Variants in EML6 observed in about 807,000 individuals in gnomAD.
The protein encoded by EML6 is EMAP like 6.
In EML6, 154 loss-of-function variants were observed where a neutral mutation model predicts 240.1. That is an observed-to-expected ratio of 0.64 (90% confidence interval 0.56 to 0.73). The LOEUF (loss-of-function observed/expected upper bound fraction) is 0.73. Among genes scored for constraint, EML6 ranks in the 30% least tolerant of loss-of-function variants. EML6 has a pLI of 0.00. For missense variants in EML6, 2,964 were observed against 2,474.6 expected (o/e 1.20, Z -4.20); for synonymous variants, 1,148 against 899.0 (o/e 1.28, Z -4.95).
At chr2:54,797,251 C>A (rs1669867012) in intron 2 of EML6, among the ~76,000 whole-genome samples, 2 of 151,102 alleles carry the variant, frequency 1.3e-5, no homozygotes, top group Admixed American at 1.3e-4. Context: ...TAAGCCCCAC[C>A]TGTTGAGGAT....
At chr2:54,797,589 AT>A (rs1669891153) in intron 2 of EML6, among the ~76,000 whole-genome samples, 1 of 151,468 alleles carries the variant, frequency 6.6e-6, no homozygotes, top group Non-Finnish European at 1.5e-5. Flanking sequence ...GTGCAATAGC[AT>A]TATGCCTAAC....
At chr2:54,781,683 A>C (rs774650636) in intron 2 of EML6, among the ~76,000 whole-genome samples, 1 of 152,104 alleles carries the variant, frequency 6.6e-6, no homozygotes, top group Non-Finnish European at 1.5e-5. Context: ...ATTTTATTCT[A>C]TTTTGAGACA....
At chr2:54,873,193 CAGTTTTT>C (rs1329954660) in intron 16 of EML6, among the ~76,000 whole-genome samples, 1 of 152,162 alleles carries the variant, frequency 6.6e-6, no homozygotes, top group African/African-American at 2.4e-5. Context: ...CAACATGGGG[CAGTTTTT>C]AGTTTTTCTA....
intron 2 of EML6, among the ~76,000 whole-genome samples, chr2:54,797,164 C>CAAAAAAAAAAAAAAAAAAAAAAAAAAA (rs773498648): frequency 2.5e-4 from 11 of 43,826 alleles, no homozygotes; most frequent in South Asian, 1.1e-3. Flanking sequence ...GACTCCATCT[C>CAAAAAAAAAAAAAAAAAAAAAAAAAAA]AAAAAAAAAA....
At chr2:54,839,517 A>C (rs1669329525) in intron 7 of EML6, among the ~76,000 whole-genome samples, 1 of 152,242 alleles carries the variant, frequency 6.6e-6, no homozygotes, top group Non-Finnish European at 1.5e-5. Flanking sequence ...ACAGCTCATT[A>C]AGTTGATATT....
intron 16 of EML6, among the ~76,000 whole-genome samples, chr2:54,877,519 G>A (rs998011179): frequency 1.3e-5 from 2 of 152,082 alleles, no homozygotes; most frequent in African/African-American, 4.8e-5. Context: ...ATAAAATCAA[G>A]TGCAGAGGCA....
chr2:54,732,971 C>T (rs570460777), intron 2 of EML6, among the ~76,000 whole-genome samples: 17 of 152,318 alleles, frequency 1.1e-4, no homozygotes, highest in East Asian at 7.7e-4. Context: ...GTATGGAAAG[C>T]AGGGGGAGTT....
chr2:54,823,658 G>A (rs1434359794), intron 5 of EML6, among the ~76,000 whole-genome samples: 2 of 152,096 alleles, frequency 1.3e-5, no homozygotes, highest in East Asian at 3.9e-4. Context: ...ATTTCTGTTA[G>A]GCTGTGGTGG....
At chr2:54,842,190 A>G (rs1328721904) in intron 7 of EML6, among the ~76,000 whole-genome samples, 2 of 152,186 alleles carry the variant, frequency 1.3e-5, no homozygotes, top group African/African-American at 2.4e-5. Context: ...CCTACAGGAT[A>G]GTTTCACTGC....
intron 31 of EML6, among the ~76,000 whole-genome samples, chr2:54,953,389 T>G (rs943905410): frequency 2.0e-5 from 3 of 152,230 alleles, no homozygotes; most frequent in African/African-American, 4.8e-5. Flanking sequence ...GTTTGCTGAT[T>G]GTATCTTGCC....
chr2:54,765,669 C>G (rs1297700207), intron 2 of EML6, among the ~76,000 whole-genome samples: 1 of 152,100 alleles, frequency 6.6e-6, no homozygotes. Flanking sequence ...ACTGTGTTAG[C>G]CAGGATGGTC....
intron 16 of EML6, among the ~76,000 whole-genome samples, chr2:54,875,011 C>G (rs10432676): frequency 1.3e-5 from 2 of 152,112 alleles, no homozygotes; most frequent in Admixed American, 6.5e-5. Flanking sequence ...CTCCTCCAGC[C>G]GCTTCCCTTT....
chr2:54,833,550 T>G (rs1179461919), intron 7 of EML6, among the ~76,000 whole-genome samples: 1 of 152,206 alleles, frequency 6.6e-6, no homozygotes, highest in East Asian at 1.9e-4. Flanking sequence ...CGTGAATGAT[T>G]GGAGATGGGT....
At chr2:54,915,765 G>A (rs1011749232) in intron 25 of EML6, among the ~76,000 whole-genome samples, 12 of 152,014 alleles carry the variant, frequency 7.9e-5, no homozygotes, top group Admixed American at 2.0e-4. Context: ...CATTAGCAGC[G>A]TGCAAAACAG....
At chr2:54,836,958 G>C (rs1016676561) in intron 7 of EML6, among the ~76,000 whole-genome samples, 1 of 152,156 alleles carries the variant, frequency 6.6e-6, no homozygotes, top group Admixed American at 6.5e-5. Context: ...CCAGGATCCA[G>C]GCTCCCTAGG....
chr2:54,935,910 A>G (rs1675111310), intron 28 of EML6, among the ~76,000 whole-genome samples: 1 of 152,090 alleles, frequency 6.6e-6, no homozygotes, highest in Non-Finnish European at 1.5e-5. Context: ...CACTCTTATA[A>G]TCCCAGCTAC....
In EML6 at chr2:54,907,461, G is replaced by T. The variant is rs570727544; in HGVS notation, c.3410-3493G>T. Among the ~76,000 whole-genome samples, 122 of 152,286 alleles carry T rather than the reference G, an allele frequency of 8.0e-4. 2 individuals carry two copies. Among genetic ancestry groups the T allele is most frequent in the African/African-American group, 2.9e-3 (120 of 41,554 alleles). On this transcript the variant is annotated intron_variant, in intron 24 of 41. Coordinates refer to ENST00000356458, the MANE Select transcript of EML6 (RefSeq NM_001039753.4). ...GGCAGAGGTTGCAGGGAGCTGAGAT[G>T]GCACCACTGAACTCCAGCCTGGGTA... is the stretch of plus-strand genomic sequence containing the variant.
At chr2:54,863,936 C>G (rs1466216377) in intron 13 of EML6, 47 bp downstream of exon 13, 3 of 1,026,958 alleles carry the variant, frequency 2.9e-6, no homozygotes, top group Non-Finnish European at 2.9e-6. Flanking sequence ...AGAAGGGGAT[C>G]TCATTCCTGG....
rs200672462 is a variant in EML6 at position 54,724,483 on chromosome 2, C to G, written c.-513-66C>G. 1 of 152,126 alleles carries G rather than the reference C, an allele frequency of 6.6e-6. No individual in the cohort carries two copies. Among genetic ancestry groups the G allele is most frequent in the East Asian group, 1.9e-4 (1 of 5,184 alleles). The allele number at this position is 152,126 out of a possible 1,614,324, so 9.4% of individuals were successfully genotyped here. On this transcript the variant is annotated intron_variant, in intron 1 of 41. Transcript: ENST00000356458. The surrounding 1 kb of genome is among the most constrained non-coding windows in gnomAD (Gnocchi z 5.2). ...CTTGGTTTAGTTTGGGGATAATTTTCTTGGATTGGGTGACTTATGCGAAAA... is the reference window on the plus strand; with the variant it reads ...CTTGGTTTAGTTTGGGGATAATTTTGTTGGATTGGGTGACTTATGCGAAAA...
Sources: gnomAD v4.1 joint callset for allele counts (sites outside exome capture counted in the v4.1 genomes callset) on GRCh38, gnomAD v4.1.1 for gene constraint, Gnocchi (gnomAD v3.1) non-coding constraint, MANE v1.5 for transcripts, NCBI Gene and HGNC (gene_info 2026-07-23, HGNC 2026-07-21) for gene names.